Variants in ADGRB3 observed in about 807,000 individuals in gnomAD.
The protein encoded by ADGRB3 is brain-specific angiogenesis inhibitor 3.
In ADGRB3, 37 loss-of-function variants were observed where a neutral mutation model predicts 193.4. That is an observed-to-expected ratio of 0.19 (90% confidence interval 0.15 to 0.25). The LOEUF (loss-of-function observed/expected upper bound fraction) is 0.25. ADGRB3 is among the 10% of genes least tolerant of loss of function. The pLI, the probability that ADGRB3 is intolerant of heterozygous loss-of-function variation, is 1.00. For missense variants in ADGRB3, 1,637 were observed against 1,852.9 expected (o/e 0.88, Z 2.14); for synonymous variants, 690 against 644.2 (o/e 1.07, Z -1.08).
intron 13 of ADGRB3, among the ~76,000 whole-genome samples, chr6:69,020,576 G>A: frequency 6.6e-6 from 1 of 152,016 alleles, no homozygotes; most frequent in South Asian, 2.1e-4. Flanking sequence ...GCAGTCGAAT[G>A]CTGCAAATAA....
chr6:68,993,047 G>A (rs1161203964), intron 10 of ADGRB3, among the ~76,000 whole-genome samples: 1 of 152,030 alleles, frequency 6.6e-6, no homozygotes, highest in East Asian at 1.9e-4. Context: ...ATTATAAGAT[G>A]TTTTTCCTCC....
intron 17 of ADGRB3, among the ~76,000 whole-genome samples, chr6:69,202,005 G>A (rs766728563): frequency 2.5e-4 from 38 of 152,090 alleles, no homozygotes; most frequent in Admixed American, 6.6e-4. Flanking sequence ...TGTAAATGAT[G>A]TTCAGATTGT....
chr6:68,801,268 A>G (rs183369647), intron 3 of ADGRB3, among the ~76,000 whole-genome samples: 20 of 152,296 alleles, frequency 1.3e-4, no homozygotes, highest in Admixed American at 5.9e-4. Context: ...CTTTACTCTT[A>G]GAGGCTGTAA....
chr6:68,999,370 T>G (rs557576781), intron 11 of ADGRB3, among the ~76,000 whole-genome samples: 1 of 151,562 alleles, frequency 6.6e-6, no homozygotes, highest in South Asian at 2.1e-4. Flanking sequence ...GTTCACGCCA[T>G]TCTCCTGCCT....
chr6:68,864,926 T>A (rs190243652), intron 3 of ADGRB3, among the ~76,000 whole-genome samples: 3 of 152,294 alleles, frequency 2.0e-5, no homozygotes, highest in Admixed American at 2.0e-4. Flanking sequence ...TTTTTCTCAG[T>A]CTTCTAAGGT....
chr6:68,987,597 G>T (rs1769116793), intron 10 of ADGRB3, among the ~76,000 whole-genome samples: 1 of 152,092 alleles, frequency 6.6e-6, no homozygotes, highest in Non-Finnish European at 1.5e-5. Flanking sequence ...TATAAAACCT[G>T]AGTGAAGCAT....
In ADGRB3 at chr6:68,903,216, C is replaced by G. The variant is rs114451720; in HGVS notation, c.758-27343C>G. Among the ~76,000 whole-genome samples the G allele has an allele frequency of 2.3e-3, 347 of 152,066 alleles. 1 individual carries two copies. Among genetic ancestry groups the G allele is most frequent in the African/African-American group, 8.1e-3 (336 of 41,488 alleles). ...CAACTCTGTAAATAACAGTCAATGA[C>G]GGGACAAAATTAAACATTTCAGGAT... is the stretch of plus-strand genomic sequence containing the variant. On this transcript the variant is annotated intron_variant, in intron 3 of 31. Transcript: ENST00000370598.
chr6:69,168,671 A>T (rs1185838104), intron 17 of ADGRB3, among the ~76,000 whole-genome samples: 1 of 152,076 alleles, frequency 6.6e-6, no homozygotes. Context: ...TTTAAAATTT[A>T]ATTTTAATGC....
At chr6:69,137,077 A>G (rs12190774) in intron 17 of ADGRB3, among the ~76,000 whole-genome samples, 1 of 23,086 alleles carries the variant, frequency 4.3e-5, no homozygotes, top group African/African-American at 1.2e-4. Flanking sequence ...TTTTTTTTTT[A>G]ATGGTAAGAT....
At chr6:69,071,091 A>G (rs537589662) in intron 16 of ADGRB3, among the ~76,000 whole-genome samples, 29 of 152,260 alleles carry the variant, frequency 1.9e-4, no homozygotes, top group African/African-American at 7.0e-4. Context: ...AGTGCCTTGA[A>G]TGGTTCTTGG....
chr6:68,815,629 G>A (rs1767617268), intron 3 of ADGRB3, among the ~76,000 whole-genome samples: 1 of 148,174 alleles, frequency 6.7e-6, no homozygotes, highest in African/African-American at 2.4e-5. Context: ...GTGTGTGTGT[G>A]TGTGTGTGTG....
intron 3 of ADGRB3, among the ~76,000 whole-genome samples, chr6:68,777,389 A>AT (rs1056599003): frequency 5.3e-5 from 8 of 151,902 alleles, no homozygotes; most frequent in East Asian, 1.9e-4. Context: ...GTAGAAATAT[A>AT]TTTTTTTTGG....
Position 68,704,768 on chromosome 6 carries a change from C to T in ADGRB3, c.757+65336C>T, listed in dbSNP as rs142354679. ...AAAGGGCTCCTTTTAGCAGGTAAAG[C>T]TTGAAATTCCATCAATGAAAGTAAA... On this transcript the variant is annotated intron_variant, in intron 3 of 31. Coordinates refer to ENST00000370598, the MANE Select transcript of ADGRB3 (RefSeq NM_001704.3). 1.9e-3 allele frequency among the ~76,000 whole-genome samples: 294 copies of T among 152,228 alleles called. 3 individuals are homozygous for T. Among genetic ancestry groups the T allele is most frequent in the African/African-American group, 6.8e-3 (284 of 41,546 alleles).
intron 20 of ADGRB3, among the ~76,000 whole-genome samples, chr6:69,257,399 C>T (rs1207372880): frequency 6.6e-6 from 1 of 152,126 alleles, no homozygotes; most frequent in African/African-American, 2.4e-5. Context: ...TTGGTCTATT[C>T]AGAGATTCAA....
intron 17 of ADGRB3, among the ~76,000 whole-genome samples, chr6:69,169,743 T>C (rs1288458314): frequency 6.6e-6 from 1 of 152,120 alleles, no homozygotes; most frequent in African/African-American, 2.4e-5. Context: ...TAACTATTGG[T>C]TCCCAATTTA....
intron 20 of ADGRB3, among the ~76,000 whole-genome samples, chr6:69,280,330 T>A (rs1390249239): frequency 2.0e-5 from 3 of 152,096 alleles, no homozygotes; most frequent in Non-Finnish European, 4.4e-5. Flanking sequence ...CCCAACCTAT[T>A]GTGGAACCTG....
chr6:68,747,460 G>C (rs1766107039), intron 3 of ADGRB3, among the ~76,000 whole-genome samples: 1 of 152,182 alleles, frequency 6.6e-6, no homozygotes, highest in South Asian at 2.1e-4. Context: ...CAATCAGATA[G>C]CATGCTTAAT....
Position 68,639,296 on chromosome 6 carries a change from C to T in ADGRB3, c.621C>T (p.Ile207=), listed in dbSNP as rs373048723. 8.5e-5 allele frequency: 137 copies of T among 1,613,868 alleles called. 1 individual carries two copies. Among genetic ancestry groups the T allele is most frequent in the Admixed American group, 5.3e-4 (32 of 59,982 alleles). Reference sequence around the variant, plus strand: ...CTCAGCATTTGGGAGAGTGGGGGATCGACGACCAGTCGCTGATTTTGTTAA... The same window carrying T: ...CTCAGCATTTGGGAGAGTGGGGGATTGACGACCAGTCGCTGATTTTGTTAA... ...TCPQHLGEWG[I]DDQSLILLNN... is the part of the protein sequence containing the mutation. Residue 207 remains isoleucine, a synonymous_variant, in exon 3 of 32, where the codon ATC becomes ATT. Coordinates refer to ENST00000370598, the MANE Select transcript of ADGRB3 (RefSeq NM_001704.3).
intron 20 of ADGRB3, among the ~76,000 whole-genome samples, chr6:69,297,370 C>CTCTCTCTCTCTCTCTT (rs1767847360): frequency 2.6e-4 from 27 of 103,874 alleles, no homozygotes; most frequent in Non-Finnish European, 3.9e-4. Context: ...CTCTCTCTTT[C>CTCTCTCTCTCTCTCTT]TCTCTCTCTC....
Sources: allele counts gnomAD v4.1 joint callset (sites outside exome capture counted in the v4.1 genomes callset), GRCh38; gene constraint gnomAD v4.1.1; transcripts MANE v1.5; gene names NCBI Gene and HGNC (gene_info 2026-07-23, HGNC 2026-07-21).